The following TAFA1 variants were observed in gnomAD, a reference collection of about 807,000 sequenced individuals.
TAFA1 encodes the protein chemokine-like protein TAFA-1.
A neutral mutation model predicts 18.5 loss-of-function variants in TAFA1; 4 were observed. The ratio of observed to expected loss-of-function variants is 0.22; its 90% CI spans 0.11 to 0.49. The LOEUF is 0.49. Ranked by LOEUF, TAFA1 falls within the 20% of genes least tolerant of loss-of-function variation. The pLI is 0.98. For missense variants in TAFA1, 147 were observed against 169.0 expected (o/e 0.87, Z 0.72); for synonymous variants, 56 against 55.2 (o/e 1.01, Z -0.06).
At chr3:68,487,699 C>T (rs2072370856) in intron 3 of TAFA1, among the ~76,000 whole-genome samples, 1 of 149,808 alleles carries the variant, frequency 6.7e-6, no homozygotes, top group African/African-American at 2.5e-5. Flanking sequence ...TTGCAGTGAG[C>T]CGAGATCGCG....
chr3:68,391,809 C>G (rs764198533), intron 2 of TAFA1, among the ~76,000 whole-genome samples: 47 of 152,172 alleles, frequency 3.1e-4, no homozygotes, highest in Non-Finnish European at 6.0e-4. Context: ...CAAGCAAATG[C>G]TGAGGGATTT....
chr3:68,209,740 T>C (rs1488392242), intron 2 of TAFA1, among the ~76,000 whole-genome samples: 3 of 152,072 alleles, frequency 2.0e-5, no homozygotes, highest in African/African-American at 2.4e-5. Context: ...TTTTTCATTA[T>C]ATTGTTCATG....
At chr3:68,026,980 G>A (rs1696255612) in intron 2 of TAFA1, among the ~76,000 whole-genome samples, 1 of 152,114 alleles carries the variant, frequency 6.6e-6, no homozygotes, top group African/African-American at 2.4e-5. Flanking sequence ...GGGGAAGCAG[G>A]CATTTCACAT....
At chr3:68,472,219 A>G (rs1002931555) in intron 3 of TAFA1, among the ~76,000 whole-genome samples, 2 of 152,132 alleles carry the variant, frequency 1.3e-5, no homozygotes, top group African/African-American at 4.8e-5. Flanking sequence ...TACTGTTCTC[A>G]TGATACTAAA....
chr3:68,439,412 CATATATATATATATATATAT>C (rs57059146), intron 3 of TAFA1, among the ~76,000 whole-genome samples: 6 of 73,462 alleles, frequency 8.2e-5, no homozygotes, highest in Admixed American at 1.5e-4. Context: ...TATATACATA[CATATATATATATATATATAT>C]ATATATATAT....
intron 2 of TAFA1, among the ~76,000 whole-genome samples, chr3:68,075,041 G>A (rs963052066): frequency 2.0e-5 from 3 of 152,164 alleles, no homozygotes; most frequent in African/African-American, 7.2e-5. Context: ...ACCAGACAAA[G>A]TAGAATCACA....
chr3:68,145,092 G>T (rs1441254995), intron 2 of TAFA1: 18 of 1,271,224 alleles, frequency 1.4e-5, no homozygotes, highest in Non-Finnish European at 1.6e-5. Flanking sequence ...GCCCCTGGAG[G>T]AATTGCTACA....
Position 68,349,872 on chromosome 3 carries a change from G to A in TAFA1, c.119-67408G>A, listed in dbSNP as rs189762741. Among the ~76,000 whole-genome samples the A allele has an allele frequency of 1.4e-3, 214 of 152,156 alleles. 1 individual carries two copies. The highest frequency in any genetic ancestry group is 4.8e-3 in the African/African-American group (198 of 41,524). ...CCAGAAGATCAGCATCTCTGGGTCC[G>A]TATTCACCATAATAGCCTTGAGCCA... On this transcript the variant is annotated intron_variant, in intron 2 of 4. Transcript: ENST00000478136.
At chr3:68,157,371 A>G (rs2065877994) in intron 2 of TAFA1, among the ~76,000 whole-genome samples, 1 of 152,196 alleles carries the variant, frequency 6.6e-6, no homozygotes, top group African/African-American at 2.4e-5. Flanking sequence ...TCACAGCTCT[A>G]TCAAGAACAT....
At chr3:68,329,262 T>A (rs2068826234) in intron 2 of TAFA1, among the ~76,000 whole-genome samples, 1 of 140,182 alleles carries the variant, frequency 7.1e-6, no homozygotes, top group Admixed American at 7.7e-5. Context: ...GAGACGGGGT[T>A]TCACCACGTT....
chr3:68,461,115 C>G (rs538607732), intron 3 of TAFA1, among the ~76,000 whole-genome samples: 2 of 151,838 alleles, frequency 1.3e-5, no homozygotes, highest in East Asian at 3.9e-4. Flanking sequence ...AACCTCGACT[C>G]TAATGAAAAT....
At chr3:68,176,017 T>C (rs1224203384) in intron 2 of TAFA1, among the ~76,000 whole-genome samples, 1 of 152,216 alleles carries the variant, frequency 6.6e-6, no homozygotes, top group Non-Finnish European at 1.5e-5. Context: ...ACAAGCTTTT[T>C]CTTTGCCTGC....
At chr3:68,070,952 C>T (rs1380786151) in intron 2 of TAFA1, among the ~76,000 whole-genome samples, 2 of 152,252 alleles carry the variant, frequency 1.3e-5, no homozygotes, top group East Asian at 1.9e-4. Context: ...CAACAAGTCT[C>T]TAGGGAGTTC....
chr3:68,508,559 T>C (rs2072798843), intron 3 of TAFA1, among the ~76,000 whole-genome samples: 1 of 152,076 alleles, frequency 6.6e-6, no homozygotes, highest in African/African-American at 2.4e-5. Flanking sequence ...GAAGTAACCA[T>C]TAATTCGTTC....
chr3:68,290,319 T>C (rs2068084236), intron 2 of TAFA1, among the ~76,000 whole-genome samples: 1 of 152,162 alleles, frequency 6.6e-6, no homozygotes, highest in Admixed American at 6.5e-5. Context: ...TATTATTCAA[T>C]CTACTACCAT....
At chr3:68,181,264 C>G (rs1000108623) in intron 2 of TAFA1, among the ~76,000 whole-genome samples, 4 of 151,530 alleles carry the variant, frequency 2.6e-5, no homozygotes, top group African/African-American at 9.7e-5. Context: ...AACTCCTGAT[C>G]TGTAGAAACT....
intron 2 of TAFA1, among the ~76,000 whole-genome samples, chr3:68,011,237 A>G (rs1575572460): frequency 6.6e-6 from 1 of 152,160 alleles, no homozygotes; most frequent in African/African-American, 2.4e-5. Flanking sequence ...TTTAAATTAT[A>G]TAGATAAATT....
intron 2 of TAFA1, among the ~76,000 whole-genome samples, chr3:68,188,470 TTA>T (rs903208920): frequency 6.8e-6 from 1 of 146,880 alleles, no homozygotes. Context: ...TCTCTCTAAA[TTA>T]TATATATATG....
intron 3 of TAFA1, among the ~76,000 whole-genome samples, chr3:68,518,618 C>T (rs754449214): frequency 6.6e-6 from 1 of 152,186 alleles, no homozygotes; most frequent in African/African-American, 2.4e-5. Context: ...TTATGGAGCA[C>T]TTACTTTGAA....
Sources: gnomAD v4.1 joint callset for allele counts (sites outside exome capture counted in the v4.1 genomes callset) on GRCh38, gnomAD v4.1.1 for gene constraint, MANE v1.5 for transcripts, NCBI Gene and HGNC (gene_info 2026-07-23, HGNC 2026-07-21) for gene names.